The following ATP4B variants were observed in gnomAD, a reference collection of about 807,000 sequenced individuals.
ATP4B encodes ATPase H+/K+ transporting subunit beta.
Under a neutral mutation model 35.3 loss-of-function variants are expected in ATP4B, and 27 were observed. The observed-to-expected ratio is 0.76, with a 90% CI of 0.56 to 1.05. The LOEUF is 1.05. Among genes scored for constraint, ATP4B ranks in the 50% least tolerant of loss-of-function variants. The pLI, the probability that ATP4B is intolerant of heterozygous loss-of-function variation, is 0.00. For synonymous variants in ATP4B, 162 were observed against 156.0 expected (o/e 1.04, Z -0.29); for missense variants, 375 against 384.8 (o/e 0.97, Z 0.21).
In ATP4B at chr13:113,653,358, C is replaced by T; in HGVS notation, c.318G>A (p.Trp106Ter). 1.9e-6 allele frequency: 3 copies of T among 1,614,188 alleles called. No homozygotes were observed. The highest frequency in any genetic ancestry group is 2.5e-6 in the Non-Finnish European group (3 of 1,180,050). ...IVYNVSDNRT[W>*]ADLTQTLHAF... Reference sequence around the variant, plus strand: ...CGTGGAGAGTCTGTGTGAGGTCTGCCCAGGTTCTGTTATCAGAGACGTTGT... The same window carrying T: ...CGTGGAGAGTCTGTGTGAGGTCTGCTCAGGTTCTGTTATCAGAGACGTTGT... The change falls in exon 3 of 7, where the codon TGG (tryptophan) becomes TGA (stop). Residue 106 changes from tryptophan to a stop codon, truncating the protein, a stop_gained. Coordinates refer to ENST00000335288, the MANE Select transcript of ATP4B (RefSeq NM_000705.4). LOFTEE classifies it high-confidence loss of function.
rs187635094 is a variant in ATP4B at position 113,654,968 on chromosome 13, T to G, written c.113-26A>C. On this transcript the variant is annotated intron_variant, in intron 1 of 6. Coordinates refer to ENST00000335288, the MANE Select transcript of ATP4B (RefSeq NM_000705.4). ...CTGCGACACAAGGCAGGCACAAAAT[T>G]TACCACGTCAGCCATTTTAACGCAC... 8 of 1,612,988 alleles carry G rather than the reference T, an allele frequency of 5.0e-6. No individual in the cohort carries two copies. In the African/African-American group the frequency reaches 5.3e-5, roughly 11 times the overall value.
Position 113,650,045 on chromosome 13 carries a change from C to G in ATP4B, c.714+361G>C, listed in dbSNP as rs992092560. ...GGGCATGTTGGTGTGTGCCTGTGGT[C>G]TCAGCTACTTAGGAGGCTGAGGTGG... On this transcript the variant is annotated intron_variant, in intron 6 of 6. Transcript: ENST00000335288. The surrounding 1 kb of genome is among the most constrained non-coding windows in gnomAD (Gnocchi z 5.0). 3.3e-5 allele frequency among the ~76,000 whole-genome samples: 5 copies of G among 152,026 alleles called. No homozygotes were observed. The South Asian group carries it at 1.0e-3, about 32-fold the overall frequency.
At position 113,650,690 on chromosome 13, in the gene ATP4B, A is replaced by G. The variant is rs945340311; in HGVS notation, c.613-183T>C. 4.6e-5 allele frequency among the ~76,000 whole-genome samples: 7 copies of G among 152,176 alleles called. No individual in the cohort carries two copies. Among genetic ancestry groups the G allele is most frequent in the African/African-American group, 1.4e-4 (6 of 41,440 alleles). On this transcript the variant is annotated intron_variant, in intron 5 of 6. Coordinates refer to ENST00000335288, the MANE Select transcript of ATP4B (RefSeq NM_000705.4). The surrounding 1 kb of genome is among the most constrained non-coding windows in gnomAD (Gnocchi z 5.0). ...TCAGTGCTGAGATCTCAGCAAGGAT[A>G]TGATTTGTTAGCATGCAAAATGCCC...
chr13:113,656,048 T>C (rs1022928069), intron 1 of ATP4B, among the ~76,000 whole-genome samples: 6 of 152,220 alleles, frequency 3.9e-5, no homozygotes, highest in African/African-American at 1.4e-4. Context: ...CCGCCGGGCG[T>C]CCCTGGTGAC....
intron 2 of ATP4B, among the ~76,000 whole-genome samples, chr13:113,654,410 G>A (rs2049737390): frequency 6.6e-6 from 1 of 152,150 alleles, no homozygotes; most frequent in Admixed American, 6.5e-5. Flanking sequence ...TCCCGGGTGT[G>A]CTCCTTGGAA....
chr13:113,654,814 C>G lies in ATP4B; in HGVS notation c.241G>C (p.Gly81Arg), dbSNP rs1333724353. The change falls in exon 2 of 7, where the codon GGG (glycine) becomes CGG (arginine). Residue 81 changes from glycine (G) to arginine (R), a missense_variant and splice_region_variant. Physicochemically the swap from Gly to Arg is moderately radical, Grantham distance 125 (BLOSUM62 -2). Coordinates refer to ENST00000335288, the MANE Select transcript of ATP4B (RefSeq NM_000705.4). Reference sequence around the variant, plus strand: ...TGGGGGCAACATCCCGGGCGCTTACCTGGTGACCGTAGCTGGTCTTGGTAG... The same window carrying G: ...TGGGGGCAACATCCCGGGCGCTTACGTGGTGACCGTAGCTGGTCTTGGTAG... ...PDYQDQLRSP[G>R]VTLRPDVYGE... is the part of the protein sequence containing the mutation. 1.9e-6 allele frequency: 3 copies of G among 1,613,714 alleles called. No individual in the cohort carries two copies. Among genetic ancestry groups the G allele is most frequent in the Non-Finnish European group, 2.5e-6 (3 of 1,179,850 alleles).
chr13:113,653,278 C>G, intron 3 of ATP4B, 43 bp downstream of exon 3: 2 of 1,581,018 alleles, frequency 1.3e-6, no homozygotes, highest in Non-Finnish European at 1.7e-6. Flanking sequence ...TCACACCTCA[C>G]CCACCCGCCG....
Position 113,650,204 on chromosome 13 carries a change from AT to A in ATP4B, c.714+201del, listed in dbSNP as rs2049700897. 1.3e-5 allele frequency among the ~76,000 whole-genome samples: 2 copies of A among 151,548 alleles called. No homozygotes were observed. The highest frequency in any genetic ancestry group is 1.5e-5 in the Non-Finnish European group (1 of 67,952). On this transcript the variant is annotated intron_variant, in intron 6 of 6. Transcript: ENST00000335288. The surrounding 1 kb of genome is among the most constrained non-coding windows in gnomAD (Gnocchi z 5.0). ...AAAAAAGTTGAAGAGTTAGAGTTGT[AT>A]TTTCATGTTGCGTGAGAGGAATGTT...
intron 3 of ATP4B, 24 bp from the exon 4 acceptor site, chr13:113,653,096 C>CCCTGT: frequency 6.3e-7 from 1 of 1,593,774 alleles, no homozygotes; most frequent in African/African-American, 1.3e-5. Context: ...CACCTGCCAG[C>CCCTGT]CCTGTCCTGC....
rs560865076 is a variant in ATP4B, at chr13:113,656,305, C to T, written c.113-1363G>A. Reference sequence around the variant, plus strand: ...TCGTGACGGCAGGGGTCTCTGTTCCCCCGCTGTGGGTCCTGTGGGTCTGCT... The same window carrying T: ...TCGTGACGGCAGGGGTCTCTGTTCCTCCGCTGTGGGTCCTGTGGGTCTGCT... On this transcript the variant is annotated intron_variant, in intron 1 of 6. Transcript: ENST00000335288. 7.9e-5 allele frequency among the ~76,000 whole-genome samples: 12 copies of T among 152,292 alleles called. No individual in the cohort carries two copies. In the East Asian group the frequency reaches 1.7e-3, roughly 22 times the overall value.
At chr13:113,657,992 GC>G (rs758125135) in intron 1 of ATP4B, 40 bp downstream of exon 1, 10 of 1,511,438 alleles carry the variant, frequency 6.6e-6, no homozygotes, top group Admixed American at 5.7e-5. Flanking sequence ...CCTCAGAGCG[GC>G]CCCCTCCATG....
At chr13:113,655,054 C>T in intron 1 of ATP4B, 112 bp from the exon 2 acceptor site, 4 of 1,408,836 alleles carry the variant, frequency 2.8e-6, no homozygotes, top group Middle Eastern at 4.3e-4. Context: ...TACCTAGTTC[C>T]AGAACATTCT....
chr13:113,649,449 C>T lies in ATP4B; in HGVS notation c.801G>A (p.Ala267=), dbSNP rs17852631. Residue 267 remains alanine (A), a synonymous_variant, in exon 7 of 7, where the codon GCG becomes GCA. Coordinates refer to ENST00000335288, the MANE Select transcript of ATP4B (RefSeq NM_000705.4). This position sits in a 1 kb window ranked among gnomAD's most constrained non-coding sequence, Gnocchi z 4.7. The part of the protein sequence containing the change: ...AEVAIVCKVM[A]EHVTFNNPHD... ...GGGGATTGTTGAAGGTCACGTGCTC[C>T]GCCATGACCTTGCACACGATGGCGA... 0.2 allele frequency: 311,435 copies of T among 1,573,480 alleles called. 32,688 individuals are homozygous for T. Among genetic ancestry groups the T allele is most frequent in the Admixed American group, 0.35 (19,488 of 54,986 alleles).
rs1451738462 is a variant in ATP4B, at chr13:113,655,189, C to T, written c.113-247G>A. On this transcript the variant is annotated intron_variant, in intron 1 of 6. Coordinates refer to ENST00000335288, the MANE Select transcript of ATP4B (RefSeq NM_000705.4). ...GGACGTCCACATAGGCAGAATCCTG[C>T]GACCCGAGGCAGTTGCACCCAGCTG... Among the ~76,000 whole-genome samples the T allele has an allele frequency of 3.3e-5, 5 of 152,174 alleles. No homozygotes were observed. The East Asian group carries it at 5.8e-4, about 18-fold the overall frequency.
chr13:113,654,218 A>G (rs2049735816), intron 2 of ATP4B, among the ~76,000 whole-genome samples: 1 of 152,192 alleles, frequency 6.6e-6, no homozygotes, highest in South Asian at 2.1e-4. Flanking sequence ...GTTAAGAGTA[A>G]AATCTATACG....
chr13:113,657,192 C>T (rs2049761589), intron 1 of ATP4B, among the ~76,000 whole-genome samples: 1 of 152,146 alleles, frequency 6.6e-6, no homozygotes, highest in African/African-American at 2.4e-5. Context: ...TTTGCATTCC[C>T]ACCTCGGCTC....
chr13:113,649,484 TC>T lies in ATP4B; in HGVS notation c.765del (p.Asn256ThrfsTer15). 6.4e-7 allele frequency: 1 copy of T among 1,555,158 alleles called. No homozygotes were observed. Among genetic ancestry groups the T allele is most frequent in the African/African-American group, 1.4e-5 (1 of 73,496 alleles). On this transcript the variant is annotated frameshift_variant, in exon 7 of 7. Transcript: ENST00000335288. LOFTEE classifies it high-confidence loss of function. The surrounding 1 kb of genome is among the most constrained non-coding windows in gnomAD (Gnocchi z 4.7). Reference protein sequence around the residue: ...LVAAKLLNIPRNAEVAIVCKV... With the variant: ...LVAAKLLNIPXNAEVAIVCKV... ...TTGCACACGATGGCGACCTCAGCGT[TC>T]CTGGGGATGTTGAGGAGCTTCGCTG...
At chr13:113,656,194 C>T (rs185007322) in intron 1 of ATP4B, among the ~76,000 whole-genome samples, 1 of 152,242 alleles carries the variant, frequency 6.6e-6, no homozygotes, top group East Asian at 1.9e-4. Context: ...CTGGTGCTGG[C>T]CCTGCAGGTC....
chr13:113,651,559 G>A (rs1302625625), intron 5 of ATP4B, 112 bp downstream of exon 5: 12 of 1,248,540 alleles, frequency 9.6e-6, no homozygotes, highest in Middle Eastern at 4.0e-4. Context: ...TTACTGGGCC[G>A]ACGGCTGACA....
Sources: allele counts gnomAD v4.1 joint callset (sites outside exome capture counted in the v4.1 genomes callset), GRCh38; gene constraint gnomAD v4.1.1; non-coding constraint Gnocchi (gnomAD v3.1); transcripts MANE v1.5; gene names NCBI Gene and HGNC (gene_info 2026-07-23, HGNC 2026-07-21).